PELI1: variants seen among roughly 807,000 people sequenced by gnomAD.
The protein encoded by PELI1 is E3 ubiquitin-protein ligase pellino homolog 1.
In PELI1, 15 loss-of-function variants were observed where a neutral mutation model predicts 41.3. That is an observed-to-expected ratio of 0.36 (90% CI 0.24 to 0.56). The LOEUF is 0.56. Ranked by LOEUF, PELI1 falls within the 20% of genes least tolerant of loss-of-function variation. The pLI is 0.82. For synonymous variants in PELI1, 178 were observed against 180.1 expected (o/e 0.99, Z 0.09); for missense variants, 403 against 525.5 (o/e 0.77, Z 2.28).
chr2:64,116,997 C>T (rs1407168578), intron 1 of PELI1, among the ~76,000 whole-genome samples: 1 of 152,052 alleles, frequency 6.6e-6, no homozygotes, highest in Admixed American at 6.6e-5. Context: ...TGGGGGTGCC[C>T]TGAATTGTGT....
intron 1 of PELI1, among the ~76,000 whole-genome samples, chr2:64,136,955 A>G (rs1260676211): frequency 6.6e-6 from 1 of 152,212 alleles, no homozygotes; most frequent in Non-Finnish European, 1.5e-5. Flanking sequence ...TTGGACATAA[A>G]TAACAAGAAA....
rs188130350 is a variant in PELI1, at chr2:64,121,840, G to A, written c.-69-13461C>T. Among the ~76,000 whole-genome samples the A allele has an allele frequency of 1.2e-3, 179 of 151,840 alleles. 1 individual carries two copies. In the East Asian group the frequency reaches 0.016, roughly 13 times the overall value. On this transcript the variant is annotated intron_variant, in intron 1 of 6. Coordinates refer to ENST00000358912, the MANE Select transcript of PELI1 (RefSeq NM_020651.4). ...GAATAGCTTGAACCCGGGAGGCGGA[G>A]GTTGTGGTGAGCCGAGATCACGCCA...
At chr2:64,141,644 C>G (rs1681918383) in intron 1 of PELI1, among the ~76,000 whole-genome samples, 1 of 152,132 alleles carries the variant, frequency 6.6e-6, no homozygotes, top group Non-Finnish European at 1.5e-5. Context: ...AATGATAGAA[C>G]TCTTAAAATA....
rs1264371642 is a variant in PELI1, at chr2:64,096,593, T to C, written c.321A>G (p.Glu107=). 6.2e-7 allele frequency: 1 copy of C among 1,612,404 alleles called. No individual in the cohort carries two copies. Among genetic ancestry groups the C allele is most frequent in the East Asian group, 2.2e-5 (1 of 44,870 alleles). The change falls in exon 5 of 7, where the codon GAA becomes GAG. Residue 107 remains glutamate, a synonymous_variant. Transcript: ENST00000358912. ...CAGTTACTACAAAATCAATGGGGCT[T>C]TCAGTCGACCGGCCAATCTGAGGGA... ...TDMFQIGRST[E]SPIDFVVTDT...
intron 2 of PELI1, among the ~76,000 whole-genome samples, chr2:64,107,771 G>T (rs1680670615): frequency 6.6e-6 from 1 of 151,974 alleles, no homozygotes; most frequent in Admixed American, 6.6e-5. Context: ...TCTGCCTCCA[G>T]GGTTCAAGCA....
intron 1 of PELI1, among the ~76,000 whole-genome samples, chr2:64,121,007 G>C (rs1226888811): frequency 6.6e-6 from 1 of 152,112 alleles, no homozygotes; most frequent in Non-Finnish European, 1.5e-5. Context: ...CCCAGCATTC[G>C]GTAACTGTCC....
At chr2:64,124,466 T>A (rs1382661834) in intron 1 of PELI1, among the ~76,000 whole-genome samples, 1 of 152,170 alleles carries the variant, frequency 6.6e-6, no homozygotes, top group South Asian at 2.1e-4. Flanking sequence ...ACATAAATTT[T>A]AAAAATTCTA....
chr2:64,144,325 C>G lies in PELI1; in HGVS notation c.-314G>C, dbSNP rs969199849. ...CCGGAGGGCTGGGGACCAATTCGAC[C>G]GCACCGCGGGACTAGGGCTGCTGCC... On this transcript the variant is annotated 5_prime_UTR_variant, in exon 1 of 7. Transcript: ENST00000358912. 5.3e-5 allele frequency: 8 copies of G among 152,288 alleles called. No individual in the cohort carries two copies. The highest frequency in any genetic ancestry group is 8.8e-5 in the Non-Finnish European group (6 of 68,126). 9.4% of individuals were successfully genotyped at this position (152,288 alleles called of 1,614,324 possible).
chr2:64,107,683 T>TA (rs1206982146), intron 2 of PELI1, among the ~76,000 whole-genome samples: 2 of 143,952 alleles, frequency 1.4e-5, no homozygotes, highest in Non-Finnish European at 3.1e-5. Context: ...TTTCATTTCA[T>TA]TTTTTTTTTT....
At chr2:64,126,532 T>C (rs1681391861) in intron 1 of PELI1, among the ~76,000 whole-genome samples, 1 of 152,192 alleles carries the variant, frequency 6.6e-6, no homozygotes, top group Non-Finnish European at 1.5e-5. Flanking sequence ...CAAATATTAC[T>C]GAGCATTCAC....
intron 1 of PELI1, among the ~76,000 whole-genome samples, chr2:64,139,447 G>A (rs933856770): frequency 2.0e-5 from 3 of 151,574 alleles, no homozygotes; most frequent in Non-Finnish European, 2.9e-5. Flanking sequence ...TTGGGACCAC[G>A]TCCAGTTAAT....
intron 1 of PELI1, among the ~76,000 whole-genome samples, chr2:64,121,734 C>T (rs1190085897): frequency 6.6e-5 from 10 of 151,932 alleles, no homozygotes; most frequent in African/African-American, 2.4e-4. Context: ...GGAGAAACCC[C>T]GTCTCTACTA....
chr2:64,115,127 A>G (rs1227572981), intron 1 of PELI1, among the ~76,000 whole-genome samples: 1 of 152,192 alleles, frequency 6.6e-6, no homozygotes, highest in Non-Finnish European at 1.5e-5. Flanking sequence ...TTAATGATTA[A>G]TGTTTCTGTA....
rs556193707 is a variant in PELI1, at chr2:64,094,614, A to C, written c.*88T>G. On this transcript the variant is annotated 3_prime_UTR_variant, in exon 7 of 7. Coordinates refer to ENST00000358912, the MANE Select transcript of PELI1 (RefSeq NM_020651.4). Reference sequence around the variant, plus strand: ...TCATCTTAATGCAAATGACCAGAGCAGAAAAACTGTGACGTGGACAACAGG... The same window carrying C: ...TCATCTTAATGCAAATGACCAGAGCCGAAAAACTGTGACGTGGACAACAGG... 1 of 824,440 alleles carries C rather than the reference A, an allele frequency of 1.2e-6. No homozygotes were observed. Among genetic ancestry groups the C allele is most frequent in the African/African-American group, 1.7e-5 (1 of 57,968 alleles). 51.1% of individuals were successfully genotyped at this position (824,440 alleles called of 1,614,324 possible).
intron 1 of PELI1, among the ~76,000 whole-genome samples, chr2:64,133,817 C>T (rs1245359647): frequency 7.0e-6 from 1 of 142,382 alleles, no homozygotes; most frequent in African/African-American, 2.4e-5. Context: ...GGAATAAACA[C>T]CTCAGATGGT....
intron 1 of PELI1, among the ~76,000 whole-genome samples, chr2:64,123,599 T>C (rs1681294415): frequency 1.3e-5 from 2 of 152,192 alleles, no homozygotes; most frequent in Admixed American, 1.3e-4. Context: ...AAACCCACAA[T>C]GACCACTTCA....
chr2:64,129,639 A>T (rs796899466), intron 1 of PELI1, among the ~76,000 whole-genome samples: 1 of 152,186 alleles, frequency 6.6e-6, no homozygotes, highest in South Asian at 2.1e-4. Flanking sequence ...TTCAGTACAT[A>T]TTTAGGCTAT....
intron 1 of PELI1, among the ~76,000 whole-genome samples, chr2:64,114,837 A>T (rs1378812375): frequency 6.6e-6 from 1 of 151,830 alleles, no homozygotes; most frequent in African/African-American, 2.4e-5. Flanking sequence ...TCTCCCCACT[A>T]CTCACTCCCC....
intron 1 of PELI1, among the ~76,000 whole-genome samples, chr2:64,110,082 T>C (rs1039329461): frequency 6.6e-6 from 1 of 151,704 alleles, no homozygotes; most frequent in Admixed American, 6.6e-5. Context: ...CCGTCTCTAC[T>C]AAAAATACAA....
Sources: allele counts gnomAD v4.1 joint callset (sites outside exome capture counted in the v4.1 genomes callset), GRCh38; gene constraint gnomAD v4.1.1; transcripts MANE v1.5; gene names NCBI Gene and HGNC (gene_info 2026-07-23, HGNC 2026-07-21).